The following RERE variants were observed in gnomAD, a reference collection of about 807,000 sequenced individuals.
The protein encoded by RERE is arginine-glutamic acid dipeptide repeats protein.
In RERE, 40 loss-of-function variants were observed where a neutral mutation model predicts 146.1. The observed-to-expected ratio is 0.27, with a 90% CI of 0.21 to 0.36. The LOEUF (loss-of-function observed/expected upper bound fraction) is 0.36, where lower values mean the gene tolerates loss of function less well. RERE is among the 10% of genes least tolerant of loss of function. The pLI is 1.00. For missense variants in RERE, 1,933 were observed against 2,138.7 expected (o/e 0.90, Z 1.90); for synonymous variants, 1,003 against 866.0 (o/e 1.16, Z -2.78).
intron 12 of RERE, among the ~76,000 whole-genome samples, chr1:8,404,120 C>T (rs1399446156): frequency 6.6e-6 from 1 of 152,002 alleles, no homozygotes; most frequent in Non-Finnish European, 1.5e-5. Context: ...TGAGCCGCTG[C>T]ACCCAGCTTT....
intron 4 of RERE, among the ~76,000 whole-genome samples, chr1:8,593,826 T>C (rs971284586): frequency 1.3e-5 from 2 of 152,158 alleles, no homozygotes; most frequent in African/African-American, 4.8e-5. Flanking sequence ...GTCTAGAGCA[T>C]GGACTTTAGG....
intron 11 of RERE, chr1:8,465,312 ATATT>A (rs1458589761): frequency 5.8e-6 from 1 of 172,256 alleles, no homozygotes; most frequent in Non-Finnish European, 1.3e-5. Context: ...AAAATCCAGC[ATATT>A]TATTTCATCA....
chr1:8,433,553 C>CTTT (rs35096712), intron 11 of RERE, among the ~76,000 whole-genome samples: 2,387 of 130,152 alleles, frequency 0.018, 79 homozygotes, highest in African/African-American at 0.045. Context: ...CCATTCATTT[C>CTTT]TTTTTTTTTT....
intron 7 of RERE, among the ~76,000 whole-genome samples, chr1:8,518,561 G>T (rs1645450795): frequency 6.6e-6 from 1 of 152,122 alleles, no homozygotes; most frequent in South Asian, 2.1e-4. Context: ...GAAGTCTGTG[G>T]GTCCAGAACA....
intron 10 of RERE, among the ~76,000 whole-genome samples, chr1:8,480,143 GTTTTTT>G (rs375571417): frequency 9.5e-6 from 1 of 105,426 alleles, no homozygotes; most frequent in African/African-American, 3.6e-5. Flanking sequence ...TTTTTTTTTT[GTTTTTT>G]TTTTTTTTGA....
intron 1 of RERE, among the ~76,000 whole-genome samples, chr1:8,660,809 G>GA (rs1638438641): frequency 6.6e-6 from 1 of 152,150 alleles, no homozygotes; most frequent in South Asian, 2.1e-4. Context: ...AGTGAAACAG[G>GA]AAACACATTA....
intron 11 of RERE, among the ~76,000 whole-genome samples, chr1:8,428,004 A>G (rs1293218225): frequency 6.6e-6 from 1 of 152,222 alleles, no homozygotes; most frequent in East Asian, 1.9e-4. Flanking sequence ...TCATGGAGAC[A>G]GTCTGTTTCT....
intron 9 of RERE, 104 bp downstream of exon 9, chr1:8,497,301 G>A (rs748142881): frequency 2.1e-5 from 26 of 1,250,426 alleles, no homozygotes; most frequent in Non-Finnish European, 2.6e-5. Flanking sequence ...GTCAGAGAAC[G>A]CCCAATATAG....
chr1:8,706,282 T>TA (rs1356475536), intron 1 of RERE, among the ~76,000 whole-genome samples: 23 of 151,248 alleles, frequency 1.5e-4, no homozygotes, highest in East Asian at 7.8e-4. Context: ...ACTCAGTCTC[T>TA]AAAAAAAAAT....
chr1:8,542,375 T>A (rs572514449), intron 6 of RERE, among the ~76,000 whole-genome samples: 1 of 152,278 alleles, frequency 6.6e-6, no homozygotes, highest in African/African-American at 2.4e-5. Context: ...TCCATGAGTA[T>A]GCACGGTAAC....
At chr1:8,414,317 C>T (rs1039538000) in intron 12 of RERE, among the ~76,000 whole-genome samples, 6 of 152,114 alleles carry the variant, frequency 3.9e-5, no homozygotes, top group South Asian at 2.1e-4. Context: ...GAGGCAGAGG[C>T]GGGCGAATCA....
Position 8,416,581 on chromosome 1 carries a change from A to G in RERE, c.1284+6146T>C, listed in dbSNP as rs1255331502. On this transcript the variant is annotated intron_variant, in intron 12 of 22. Transcript: ENST00000400908. ...AGCCTGGGCGACAGAGCGAGACTCC[A>G]TCTCCAAAAAAAAAAAAAAAAGAAA... Among the ~76,000 whole-genome samples, 266 of 106,152 alleles carry G rather than the reference A, an allele frequency of 2.5e-3. 3 individuals carry two copies. Among genetic ancestry groups the G allele is most frequent in the African/African-American group, 8.2e-3 (229 of 27,928 alleles). The allele number at this position is 106,152 out of a possible 152,430, so 69.6% of individuals were successfully genotyped here. A position where few individuals can be genotyped will look rare whatever the true frequency, so the allele number is the denominator to read the frequency against.
chr1:8,672,321 G>A (rs945050776), intron 1 of RERE, among the ~76,000 whole-genome samples: 4 of 151,960 alleles, frequency 2.6e-5, no homozygotes, highest in South Asian at 2.1e-4. Flanking sequence ...CTACAGGTAC[G>A]TATCACCACA....
chr1:8,498,766 C>CACACACACACACACAG (rs1056858982), intron 8 of RERE, among the ~76,000 whole-genome samples: 3 of 149,278 alleles, frequency 2.0e-5, no homozygotes, highest in African/African-American at 7.4e-5. Context: ...CACACACACA[C>CACACACACACACACAG]ACATATGTAG....
intron 1 of RERE, among the ~76,000 whole-genome samples, chr1:8,732,758 ATG>A (rs375321691): frequency 1.1e-3 from 159 of 141,326 alleles, no homozygotes; most frequent in African/African-American, 3.9e-3. Flanking sequence ...GTGTCTGTAT[ATG>A]TGTGTGTGTG....
chr1:8,467,891 G>A (rs1257268156), intron 10 of RERE, among the ~76,000 whole-genome samples: 2 of 152,082 alleles, frequency 1.3e-5, no homozygotes, highest in African/African-American at 2.4e-5. Context: ...TGATCCACCC[G>A]CCTCGGCCTC....
chr1:8,661,520 G>A (rs1006198446), intron 1 of RERE, among the ~76,000 whole-genome samples: 4 of 152,284 alleles, frequency 2.6e-5, no homozygotes, highest in Non-Finnish European at 5.9e-5. Flanking sequence ...CTCAAGGAGC[G>A]CAGTGGGGCA....
chr1:8,442,818 C>T (rs1412017072), intron 11 of RERE, among the ~76,000 whole-genome samples: 1 of 152,136 alleles, frequency 6.6e-6, no homozygotes, highest in Non-Finnish European at 1.5e-5. Flanking sequence ...GACCAAAATA[C>T]TGACAGTGAT....
chr1:8,685,607 C>T lies in RERE; in HGVS notation c.-144-29166G>A, dbSNP rs1445499271. The stretch of plus-strand genomic sequence containing the variant: ...AAAAAATCAGCCGGGTGTGGTGGCA[C>T]GCCCCTGTAGTCCCAGCTACTCTAC... On this transcript the variant is annotated intron_variant, in intron 1 of 22. Transcript: ENST00000400908. Among the ~76,000 whole-genome samples, 3 of 152,264 alleles carry T rather than the reference C, an allele frequency of 2.0e-5. No homozygotes were observed. The East Asian group carries it at 5.8e-4, about 29-fold the overall frequency.
Sources: allele counts gnomAD v4.1 joint callset (sites outside exome capture counted in the v4.1 genomes callset), GRCh38; gene constraint gnomAD v4.1.1; transcripts MANE v1.5; gene names NCBI Gene and HGNC (gene_info 2026-07-23, HGNC 2026-07-21).